GCLM: variants seen among roughly 807,000 people sequenced by gnomAD.
The protein encoded by GCLM is glutamate--cysteine ligase regulatory subunit.
In GCLM, 15 loss-of-function variants were observed where a neutral mutation model predicts 36.0. That is an observed-to-expected ratio of 0.42 (90% CI 0.28 to 0.64). The LOEUF is 0.64. Ranked by LOEUF, GCLM falls within the 30% of genes least tolerant of loss-of-function variation. The probability of loss-of-function intolerance (pLI) is 0.25; values close to 1 mark genes in which losing one functional copy is unlikely to be tolerated. For synonymous variants in GCLM, 129 were observed against 122.8 expected (o/e 1.05, Z -0.34); for missense variants, 242 against 325.5 (o/e 0.74, Z 1.97).
chr1:93,909,247 C>A lies in GCLM; in HGVS notation c.-84G>T. On this transcript the variant is annotated 5_prime_UTR_variant, in exon 1 of 7. Coordinates refer to ENST00000370238, the MANE Select transcript of GCLM (RefSeq NM_002061.4). ...CGGCCGCCCCACAGGACGCGGTGCC[C>A]GAGGCCCGAGAGAGACCCGAGAGGG... 1 of 1,097,372 alleles carries A rather than the reference C, an allele frequency of 9.1e-7. No individual in the cohort carries two copies. The highest frequency in any genetic ancestry group is 4.4e-5 in the South Asian group (1 of 22,744). The allele number at this position is 1,097,372 out of a possible 1,614,324, so 68.0% of individuals were successfully genotyped here.
chr1:93,894,510 CTG>C (rs1207555502), intron 6 of GCLM, 102 bp downstream of exon 6: 6 of 666,570 alleles, frequency 9.0e-6, no homozygotes, highest in African/African-American at 1.8e-5. Flanking sequence ...TCAGATAACA[CTG>C]TATTTTTATC....
rs1296185944 is a variant in GCLM at position 93,885,615 on chromosome 1, T to C, written c.*3375A>G. 6.6e-6 allele frequency: 1 copy of C among 152,200 alleles called. No homozygotes were observed. The highest frequency in any genetic ancestry group is 2.4e-5 in the African/African-American group (1 of 41,456). The allele number at this position is 152,200 out of a possible 1,614,324, so 9.4% of individuals were successfully genotyped here. On this transcript the variant is annotated 3_prime_UTR_variant, in exon 7 of 7. Transcript: ENST00000370238. ...ATTAGGAAGTTAATGATGAAAAATA[T>C]AGGTTCAGAATTTTAATTTGGTGTA...
intron 3 of GCLM, among the ~76,000 whole-genome samples, chr1:93,898,826 G>GCCC (rs1351202014): frequency 3.3e-5 from 5 of 152,024 alleles, no homozygotes; most frequent in Non-Finnish European, 7.4e-5. Context: ...GTCTCGATAT[G>GCCC]TTGCCCAGGG....
intron 5 of GCLM, among the ~76,000 whole-genome samples, chr1:93,896,085 C>T (rs1172931380): frequency 1.3e-5 from 2 of 151,540 alleles, no homozygotes; most frequent in Non-Finnish European, 2.9e-5. Context: ...GCCTCACCCT[C>T]CTGAGTAGCT....
intron 6 of GCLM, among the ~76,000 whole-genome samples, chr1:93,890,536 T>C (rs559284863): frequency 6.6e-6 from 1 of 152,286 alleles, no homozygotes; most frequent in East Asian, 1.9e-4. Flanking sequence ...TTTCTAAAAA[T>C]AGAAATATTT....
chr1:93,894,410 T>G (rs1005451597), intron 6 of GCLM, among the ~76,000 whole-genome samples: 2 of 152,242 alleles, frequency 1.3e-5, no homozygotes, highest in Admixed American at 1.3e-4. Context: ...AAATGATCCC[T>G]TCACTTTTTT....
At chr1:93,900,007 T>G (rs565419577) in intron 3 of GCLM, among the ~76,000 whole-genome samples, 1 of 112,308 alleles carries the variant, frequency 8.9e-6, no homozygotes, top group Non-Finnish European at 1.7e-5. Context: ...TTACATAAAG[T>G]GCTGACATTC....
At chr1:93,902,498 T>C (rs1656995607) in intron 2 of GCLM, among the ~76,000 whole-genome samples, 1 of 151,296 alleles carries the variant, frequency 6.6e-6, no homozygotes. Flanking sequence ...TTTTTAAATA[T>C]ACTTTTTTTT....
chr1:93,901,546 C>T (rs200917594), intron 3 of GCLM, 39 bp downstream of exon 3: 132 of 1,035,984 alleles, frequency 1.3e-4, no homozygotes, highest in Admixed American at 1.0e-3. Context: ...CTATCGCTTC[C>T]GCTATGTAAC....
intron 6 of GCLM, among the ~76,000 whole-genome samples, chr1:93,893,283 C>T (rs929649476): frequency 4.8e-4 from 73 of 152,206 alleles, no homozygotes; most frequent in African/African-American, 1.4e-3. Context: ...GTATAGTTTC[C>T]GTTGTTGTGA....
chr1:93,886,854 TG>T lies in GCLM; in HGVS notation c.*2135del, dbSNP rs1413594325. The T allele has an allele frequency of 6.6e-6, 1 of 152,044 alleles. No individual in the cohort carries two copies. Among genetic ancestry groups the T allele is most frequent in the Admixed American group, 6.6e-5 (1 of 15,254 alleles). 9.4% of individuals were successfully genotyped at this position (152,044 alleles called of 1,614,324 possible). ...TGTTTAAGGACTTATATGAAAAAAA[TG>T]TTGGGCATTTCCAAATGTAAAGATG... On this transcript the variant is annotated 3_prime_UTR_variant, in exon 7 of 7. Coordinates refer to ENST00000370238, the MANE Select transcript of GCLM (RefSeq NM_002061.4).
chr1:93,902,794 A>G (rs1374534649), intron 2 of GCLM, among the ~76,000 whole-genome samples: 1 of 152,208 alleles, frequency 6.6e-6, no homozygotes, highest in African/African-American at 2.4e-5. Flanking sequence ...TCATTGACAT[A>G]CAAATCCTGT....
chr1:93,908,987 C>G (rs1261800135), intron 1 of GCLM, 51 bp downstream of exon 1: 1 of 1,372,230 alleles, frequency 7.3e-7, no homozygotes. Flanking sequence ...ACCGCCCGGC[C>G]CCGCCCGAGG....
At position 93,897,822 on chromosome 1, in the gene GCLM, A is replaced by G; in HGVS notation, c.337+17T>C. 7.0e-7 allele frequency: 1 copy of G among 1,429,752 alleles called. No homozygotes were observed. The highest frequency in any genetic ancestry group is 1.3e-5 in the South Asian group (1 of 75,480). The allele number at this position is 1,429,752 out of a possible 1,614,324, so 88.6% of individuals were successfully genotyped here. A position where few individuals can be genotyped will look rare whatever the true frequency, so the allele number is the denominator to read the frequency against. On this transcript the variant is annotated intron_variant, in intron 4 of 6. Transcript: ENST00000370238. ...TTAAAGTCCACTATTAAGATAAAAA[A>G]TTCAGTTTTTGCTTACCCATGTCAA...
chr1:93,906,428 G>C (rs575989069), intron 1 of GCLM, among the ~76,000 whole-genome samples: 132 of 152,270 alleles, frequency 8.7e-4, no homozygotes, highest in Admixed American at 1.8e-3. Flanking sequence ...ATAATTCTAA[G>C]AAATTTCCCT....
chr1:93,907,139 C>G (rs1240942907), intron 1 of GCLM, among the ~76,000 whole-genome samples: 1 of 152,200 alleles, frequency 6.6e-6, no homozygotes, highest in Non-Finnish European at 1.5e-5. Context: ...ATTTGGAGCT[C>G]TGGGTGTTAC....
intron 6 of GCLM, among the ~76,000 whole-genome samples, chr1:93,893,321 T>C (rs982176140): frequency 2.0e-5 from 3 of 152,204 alleles, no homozygotes; most frequent in African/African-American, 7.2e-5. Context: ...TCTGAGGCAT[T>C]TGGCATGATG....
rs1331734306 is a variant in GCLM, at chr1:93,909,391, C to T, written c.-228G>A. On this transcript the variant is annotated 5_prime_UTR_variant, in exon 1 of 7. Transcript: ENST00000370238. ...GGCACCGGTGGCTGCGGCTCCGGCT[C>T]CGGCTACTGCGGCCGCAGCGGGAGA... 2.7e-6 allele frequency: 2 copies of T among 731,502 alleles called. No individual in the cohort carries two copies. Among genetic ancestry groups the T allele is most frequent in the African/African-American group, 3.8e-5 (2 of 52,922 alleles). The allele number at this position is 731,502 out of a possible 1,614,324, so 45.3% of individuals were successfully genotyped here. A position where few individuals can be genotyped will look rare whatever the true frequency, so the allele number is the denominator to read the frequency against.
rs1656746061 is a variant in GCLM, at chr1:93,896,674, T to C, written c.484A>G (p.Ile162Val). 2 of 1,614,112 alleles carry C rather than the reference T, an allele frequency of 1.2e-6. No homozygotes were observed. The highest frequency in any genetic ancestry group is 1.7e-6 in the Non-Finnish European group (2 of 1,179,954). ...NLVQSKKIVAIGTSDLDKTQL... is the reference protein window; with the variant it reads ...NLVQSKKIVAVGTSDLDKTQL... ...GTTTTGTCTAGATCAGAGGTACCTA[T>C]GGCAACAATCTTTTTGCTCTGAACT... Residue 162 changes from isoleucine to valine, a missense_variant, in exon 5 of 7, where the codon ATA (isoleucine) becomes GTA (valine). Ile to Val is a conservative substitution (Grantham distance 29). Coordinates refer to ENST00000370238, the MANE Select transcript of GCLM (RefSeq NM_002061.4).
Sources: gnomAD v4.1 joint callset for allele counts (sites outside exome capture counted in the v4.1 genomes callset) on GRCh38, gnomAD v4.1.1 for gene constraint, MANE v1.5 for transcripts, NCBI Gene and HGNC (gene_info 2026-07-23, HGNC 2026-07-21) for gene names.